Variants in ULK4 observed in about 807,000 individuals in gnomAD.
ULK4 encodes inactive serine/threonine-protein kinase ULK4.
ULK4 carries 133 observed loss-of-function variants against 160.6 expected under a neutral mutation model. The observed-to-expected ratio is 0.83, with a 90% CI of 0.72 to 0.96. ULK4 has a LOEUF of 0.96. Ranked by LOEUF, ULK4 falls within the 40% of genes least tolerant of loss-of-function variation. The pLI, the probability that ULK4 is intolerant of heterozygous loss-of-function variation, is 0.00. For synonymous variants in ULK4, 534 were observed against 539.8 expected (o/e 0.99, Z 0.15); for missense variants, 1,580 against 1,499.5 (o/e 1.05, Z -0.89).
intron 35 of ULK4, among the ~76,000 whole-genome samples, chr3:41,257,067 C>A (rs1217140533): frequency 6.6e-6 from 1 of 151,974 alleles, no homozygotes; most frequent in African/African-American, 2.4e-5. Flanking sequence ...GAACGACCAG[C>A]CTAGTTTTTA....
chr3:41,585,110 A>T (rs1270207723), intron 31 of ULK4, among the ~76,000 whole-genome samples: 4 of 152,210 alleles, frequency 2.6e-5, no homozygotes, highest in African/African-American at 7.2e-5. Context: ...TACCAGATTC[A>T]ATGCAATCTC....
At chr3:41,712,753 A>G (rs1347993068) in intron 25 of ULK4, among the ~76,000 whole-genome samples, 1 of 152,104 alleles carries the variant, frequency 6.6e-6, no homozygotes, top group Admixed American at 6.6e-5. Context: ...TTAGCCAGGC[A>G]TGGTGGCACA....
chr3:41,937,469 T>G, intron 3 of ULK4: 1 of 567,396 alleles, frequency 1.8e-6, no homozygotes, highest in Non-Finnish European at 3.1e-6. Flanking sequence ...TATTCAATTA[T>G]CCTTTATTGT....
intron 32 of ULK4, among the ~76,000 whole-genome samples, chr3:41,486,216 G>A (rs2084524389): frequency 6.6e-6 from 1 of 152,060 alleles, no homozygotes; most frequent in Non-Finnish European, 1.5e-5. Flanking sequence ...GCAGTAATTG[G>A]GCTATTACTG....
intron 35 of ULK4, among the ~76,000 whole-genome samples, chr3:41,343,990 A>T (rs1435756376): frequency 6.6e-6 from 1 of 152,342 alleles, no homozygotes; most frequent in East Asian, 1.9e-4. Context: ...TTAAAATTCA[A>T]ATGGAACCAA....
At chr3:41,432,900 A>C (rs919270588) in intron 34 of ULK4, among the ~76,000 whole-genome samples, 2 of 152,134 alleles carry the variant, frequency 1.3e-5, no homozygotes, top group Non-Finnish European at 2.9e-5. Flanking sequence ...TAAAAAAAAA[A>C]ACCATGGAAG....
chr3:41,304,273 CAAAAAAAAAAAAAAAAAGAGACAACA>C (rs2079858470), intron 35 of ULK4, among the ~76,000 whole-genome samples: 1 of 89,750 alleles, frequency 1.1e-5, no homozygotes, highest in African/African-American at 5.1e-5. Flanking sequence ...AGCTCCCCCT[CAAAAAAAAAAAAAAAAAGAGACAACA>C]TTCGAAGACT....
chr3:41,260,545 T>C (rs1274308858), intron 35 of ULK4, among the ~76,000 whole-genome samples: 1 of 152,196 alleles, frequency 6.6e-6, no homozygotes, highest in African/African-American at 2.4e-5. Flanking sequence ...TTATGTACCT[T>C]AGCAAAAGCA....
At chr3:41,564,552 C>G (rs1484218624) in intron 32 of ULK4, among the ~76,000 whole-genome samples, 2 of 146,914 alleles carry the variant, frequency 1.4e-5, no homozygotes, top group Non-Finnish European at 3.0e-5. Context: ...TCCACCTCCC[C>G]ACTTCAAGCG....
intron 30 of ULK4, among the ~76,000 whole-genome samples, chr3:41,656,684 A>G (rs2034947769): frequency 6.6e-6 from 1 of 152,206 alleles, no homozygotes; most frequent in Non-Finnish European, 1.5e-5. Context: ...TATACCATTA[A>G]TTCACTGTGA....
Position 41,912,841 on chromosome 3 carries a change from C to A in ULK4, c.862G>T (p.Asp288Tyr). 1 of 1,614,144 alleles carries A rather than the reference C, an allele frequency of 6.2e-7. No individual in the cohort carries two copies. Among genetic ancestry groups the A allele is most frequent in the Non-Finnish European group, 8.5e-7 (1 of 1,180,010 alleles). The change falls in exon 9 of 37, where the codon GAT (aspartate) becomes TAT (tyrosine). Residue 288 changes from aspartate (D) to tyrosine (Y), a missense_variant. Asp to Tyr is a radical substitution (Grantham distance 160, BLOSUM62 -3). Transcript: ENST00000301831. ...SFWKKAFAGA[D>Y]QESSVEDLSL... ...AGATCTTCGACGCTTGATTCCTGAT[C>A]TGCTCCAGCAAAAGCTTTCTTCCAA...
chr3:41,429,233 T>TA (rs2082847915), intron 34 of ULK4, among the ~76,000 whole-genome samples: 1 of 152,130 alleles, frequency 6.6e-6, no homozygotes, highest in African/African-American at 2.4e-5. Context: ...TGGCAATTAT[T>TA]AAAAAGTCAA....
At position 41,697,815 on chromosome 3, in the gene ULK4, G is replaced by A. The variant is rs2036550317; in HGVS notation, c.2781+7242C>T. Among the ~76,000 whole-genome samples the A allele has an allele frequency of 2.0e-5, 3 of 152,058 alleles. No individual in the cohort carries two copies. The South Asian group carries it at 6.2e-4, about 32-fold the overall frequency. ...AAAAATATTTTTAAATAAAGTTAAT[G>A]TAACTTAAGTGAACAGTGTTGATCA... is the stretch of plus-strand genomic sequence containing the variant. On this transcript the variant is annotated intron_variant, in intron 27 of 36. Coordinates refer to ENST00000301831, the MANE Select transcript of ULK4 (RefSeq NM_017886.4).
intron 35 of ULK4, among the ~76,000 whole-genome samples, chr3:41,387,417 C>A (rs1046595130): frequency 6.6e-6 from 1 of 151,748 alleles, no homozygotes; most frequent in Non-Finnish European, 1.5e-5. Flanking sequence ...TACATGTGCA[C>A]AATGTGCAGG....
intron 22 of ULK4, among the ~76,000 whole-genome samples, chr3:41,748,485 C>T: frequency 6.6e-6 from 1 of 152,120 alleles, no homozygotes; most frequent in East Asian, 1.9e-4. Flanking sequence ...CTTTAAATAT[C>T]TCTTCCCTGG....
At chr3:41,651,966 A>T (rs2125740966) in intron 30 of ULK4, among the ~76,000 whole-genome samples, 1 of 152,248 alleles carries the variant, frequency 6.6e-6, no homozygotes, top group East Asian at 1.9e-4. Context: ...AAAAGCTATC[A>T]CTGAACCCAT....
intron 35 of ULK4, among the ~76,000 whole-genome samples, chr3:41,273,639 T>C (rs2079178084): frequency 6.6e-6 from 1 of 152,142 alleles, no homozygotes; most frequent in African/African-American, 2.4e-5. Flanking sequence ...TACGATTTGT[T>C]TGGTCCCATC....
At chr3:41,810,733 T>C (rs552886245) in intron 19 of ULK4, among the ~76,000 whole-genome samples, 3 of 152,282 alleles carry the variant, frequency 2.0e-5, no homozygotes, top group African/African-American at 7.2e-5. Flanking sequence ...AACTCAACAG[T>C]GTATAGTTTT....
At chr3:41,889,313 T>C (rs1697833776) in intron 16 of ULK4, among the ~76,000 whole-genome samples, 1 of 152,166 alleles carries the variant, frequency 6.6e-6, no homozygotes, top group South Asian at 2.1e-4. Context: ...ATACACCAAA[T>C]ATATGCAGCT....
Sources: allele counts gnomAD v4.1 joint callset (sites outside exome capture counted in the v4.1 genomes callset), GRCh38; gene constraint gnomAD v4.1.1; transcripts MANE v1.5; gene names NCBI Gene and HGNC (gene_info 2026-07-23, HGNC 2026-07-21).